The following BCAP29 variants were observed in gnomAD, a reference collection of about 807,000 sequenced individuals.
BCAP29 encodes B cell receptor associated protein 29.
BCAP29 carries 34 observed loss-of-function variants against 31.8 expected under a neutral mutation model. That is an observed-to-expected ratio of 1.07 (90% CI 0.81 to 1.42). The LOEUF (loss-of-function observed/expected upper bound fraction) is 1.42, where lower values mean the gene tolerates loss of function less well. Among genes scored for constraint, BCAP29 ranks in the 40% most tolerant of loss-of-function variants. The pLI is 0.00. For missense variants in BCAP29, 314 were observed against 269.2 expected, an observed-to-expected ratio of 1.17 and a Z score of -1.16; for synonymous variants, 104 against 91.3, an observed-to-expected ratio of 1.14 and a Z score of -0.79.
rs745682574 is a variant in BCAP29 at position 107,593,991 on chromosome 7, A to G, written c.230A>G (p.His77Arg). ...VREVRKYSSVHTIEKSSTSRP... is the reference protein window; with the variant it reads ...VREVRKYSSVRTIEKSSTSRP... ...GAAGTAAGGAAATATTCCTCAGTTC[A>G]TACCATTGAGAAGAGCTCCACCAGC... The change falls in exon 4 of 8, where the codon CAT becomes CGT. Residue 77 changes from histidine (H) to arginine (R), a missense_variant. Transcript: ENST00000005259. 5.6e-6 allele frequency: 9 copies of G among 1,613,982 alleles called. No individual in the cohort carries two copies. The highest frequency in any genetic ancestry group is 3.3e-5 in the Admixed American group (2 of 59,978).
chr7:107,623,023 G>T (rs1329175585), downstream of BCAP29: 2 of 152,170 alleles, frequency 1.3e-5, no homozygotes, highest in African/African-American at 4.8e-5. Flanking sequence ...ACTGTCATGT[G>T]GGGCCAGTTT....
At chr7:107,596,811 A>C (rs1446363516) in intron 5 of BCAP29, among the ~76,000 whole-genome samples, 1 of 152,222 alleles carries the variant, frequency 6.6e-6, no homozygotes, top group Non-Finnish European at 1.5e-5. Context: ...TAAAAAAAGC[A>C]CCTTCCTCAA....
intron 7 of BCAP29, chr7:107,616,232 CCTT>C (rs1814109469): frequency 6.6e-6 from 1 of 152,302 alleles, no homozygotes; most frequent in Non-Finnish European, 1.5e-5. Flanking sequence ...GAGGCCTTCT[CCTT>C]TATGACTCCA....
At chr7:107,591,581 G>A (rs1208122384) in intron 3 of BCAP29, among the ~76,000 whole-genome samples, 1 of 129,844 alleles carries the variant, frequency 7.7e-6, no homozygotes, top group African/African-American at 3.1e-5. Context: ...TAAATCTCGA[G>A]CTCTCTCTCT....
chr7:107,612,670 C>T (rs1295289408), intron 6 of BCAP29, among the ~76,000 whole-genome samples: 1 of 151,660 alleles, frequency 6.6e-6, no homozygotes, highest in Admixed American at 6.6e-5. Flanking sequence ...ATGTAATGGG[C>T]CTCTGGATGC....
Position 107,618,479 on chromosome 7 carries a change from G to A in BCAP29, c.*116G>A. The A allele has an allele frequency of 6.2e-7, 1 of 1,612,784 alleles. No homozygotes were observed. On this transcript the variant is annotated 3_prime_UTR_variant, in exon 8 of 8. Transcript: ENST00000005259. ...ATGACCGGTTCGTAATTTTTTTAATGCCACACATAGGTTGTATTGTAATGG... is the reference window on the plus strand; with the variant it reads ...ATGACCGGTTCGTAATTTTTTTAATACCACACATAGGTTGTATTGTAATGG...
rs1484133120 is a variant in BCAP29 at position 107,619,938 on chromosome 7, C to T, written c.*1575C>T. 2 of 152,292 alleles carry T rather than the reference C, an allele frequency of 1.3e-5. No individual in the cohort carries two copies. Among genetic ancestry groups the T allele is most frequent in the East Asian group, 3.9e-4 (2 of 5,190 alleles). The allele number at this position is 152,292 out of a possible 1,614,324, so 9.4% of individuals were successfully genotyped here. On this transcript the variant is annotated 3_prime_UTR_variant, in exon 8 of 8. Transcript: ENST00000005259. ...TATTTAGCCATGCTAGCCTAGGCCT[C>T]TATTTCCTTGTCTCCAAAATGAGAA...
At chr7:107,612,450 TTCTA>T (rs1813406948) in intron 6 of BCAP29, among the ~76,000 whole-genome samples, 1 of 141,872 alleles carries the variant, frequency 7.0e-6, no homozygotes. Context: ...TTTATTTTAC[TTCTA>T]TCTAAGGCCC....
intron 3 of BCAP29, chr7:107,587,386 T>C (rs1807893792): frequency 6.6e-6 from 1 of 152,222 alleles, no homozygotes; most frequent in African/African-American, 2.4e-5. Flanking sequence ...AATAAACCTT[T>C]TTAATATTAT....
At position 107,580,724 on chromosome 7, in the gene BCAP29, A is replaced by G. The variant is rs1250736260; in HGVS notation, c.-14-35A>G. 3 of 1,476,014 alleles carry G rather than the reference A, an allele frequency of 2.0e-6. No individual in the cohort carries two copies. The South Asian group carries it at 3.6e-5, about 18-fold the overall frequency. The allele number at this position is 1,476,014 out of a possible 1,614,324, so 91.4% of individuals were successfully genotyped here. On this transcript the variant is annotated intron_variant, in intron 1 of 7. Coordinates refer to ENST00000005259, the MANE Select transcript of BCAP29 (RefSeq NM_018844.4). ...GGCCTTGAACCCGGTTTTGTTTGAAAGGAAGCAAGAGAAAATAAGTGTTTT... is the reference window on the plus strand; with the variant it reads ...GGCCTTGAACCCGGTTTTGTTTGAAGGGAAGCAAGAGAAAATAAGTGTTTT...
chr7:107,582,070 C>A (rs1056814488), intron 2 of BCAP29, among the ~76,000 whole-genome samples: 3 of 152,106 alleles, frequency 2.0e-5, no homozygotes, highest in African/African-American at 7.2e-5. Context: ...TCAGTAACAC[C>A]CTGTTTTGCT....
intron 5 of BCAP29, 58 bp downstream of exon 5, chr7:107,596,060 TTTG>T: frequency 7.0e-7 from 1 of 1,429,894 alleles, no homozygotes; most frequent in Non-Finnish European, 9.3e-7. Context: ...GAGTAATGTA[TTTG>T]TTTTCAGCAT....
At chr7:107,584,587 A>G (rs1011682861) in intron 3 of BCAP29, among the ~76,000 whole-genome samples, 1 of 152,122 alleles carries the variant, frequency 6.6e-6, no homozygotes, top group Non-Finnish European at 1.5e-5. Context: ...GTGCACCCAT[A>G]GTCCCAGCTA....
intron 4 of BCAP29, 141 bp downstream of exon 4, chr7:107,594,246 T>A (rs1809399299): frequency 5.6e-6 from 4 of 715,688 alleles, no homozygotes; most frequent in Non-Finnish European, 9.0e-6. Flanking sequence ...TGCAGTGCAG[T>A]GGTGCCTTCA....
chr7:107,607,210 G>A (rs1402606620), intron 6 of BCAP29, among the ~76,000 whole-genome samples: 4 of 152,140 alleles, frequency 2.6e-5, no homozygotes, highest in Non-Finnish European at 4.4e-5. Context: ...CCCACTACCC[G>A]GGAGGCTGAG....
chr7:107,596,557 TTTGA>T (rs1177172298), intron 5 of BCAP29, among the ~76,000 whole-genome samples: 1 of 152,118 alleles, frequency 6.6e-6, no homozygotes, highest in Non-Finnish European at 1.5e-5. Context: ...TCATTAAAGC[TTTGA>T]TTGATAGTGT....
In BCAP29 at chr7:107,583,997, C is replaced by A; in HGVS notation, c.193+15C>A. 1 of 1,337,052 alleles carries A rather than the reference C, an allele frequency of 7.5e-7. No homozygotes were observed. Among genetic ancestry groups the A allele is most frequent in the Non-Finnish European group, 1.0e-6 (1 of 972,114 alleles). The allele number at this position is 1,337,052 out of a possible 1,614,324, so 82.8% of individuals were successfully genotyped here. A position where few individuals can be genotyped will look rare whatever the true frequency, so the allele number is the denominator to read the frequency against. ...TCTATTTCTAGGTAAGTACTAGATCCCTTCTTTGAATAAATATAACTTTTT... is the reference window on the plus strand; with the variant it reads ...TCTATTTCTAGGTAAGTACTAGATCACTTCTTTGAATAAATATAACTTTTT... On this transcript the variant is annotated intron_variant, in intron 3 of 7. Transcript: ENST00000005259.
intron 6 of BCAP29, among the ~76,000 whole-genome samples, chr7:107,611,494 T>C (rs1488554824): frequency 6.6e-6 from 1 of 152,128 alleles, no homozygotes; most frequent in Non-Finnish European, 1.5e-5. Flanking sequence ...CACTATTAGA[T>C]TGTGGAATCT....
chr7:107,593,827 A>G (rs929990167), intron 3 of BCAP29, 128 bp from the exon 4 acceptor site: 9 of 872,920 alleles, frequency 1.0e-5, no homozygotes, highest in Non-Finnish European at 1.4e-5. Context: ...ACGGAATGAC[A>G]TAAAGGTCGC....
Sources: gnomAD v4.1 joint callset for allele counts (sites outside exome capture counted in the v4.1 genomes callset) on GRCh38, gnomAD v4.1.1 for gene constraint, MANE v1.5 for transcripts, NCBI Gene and HGNC (gene_info 2026-07-23, HGNC 2026-07-21) for gene names.